Variants in HHAT observed in about 807,000 individuals in gnomAD.
HHAT encodes the protein protein-cysteine N-palmitoyltransferase HHAT.
Under a neutral mutation model 70.8 loss-of-function variants are expected in HHAT, and 47 were observed. That is an observed-to-expected ratio of 0.66 (90% CI 0.53 to 0.85). The LOEUF (loss-of-function observed/expected upper bound fraction) is 0.85. Among genes scored for constraint, HHAT ranks in the 40% least tolerant of loss-of-function variants. The pLI is 0.00. For synonymous variants in HHAT, 228 were observed against 247.6 expected (o/e 0.92, Z 0.74); for missense variants, 609 against 604.8 (o/e 1.01, Z -0.07).
intron 8 of HHAT, among the ~76,000 whole-genome samples, chr1:210,505,141 C>T (rs912737172): frequency 2.0e-5 from 3 of 152,104 alleles, no homozygotes; most frequent in East Asian, 1.9e-4. Flanking sequence ...TCAGGTGATA[C>T]ACCCGCCTCG....
chr1:210,499,846 A>G (rs2094720530), intron 8 of HHAT, among the ~76,000 whole-genome samples: 1 of 152,202 alleles, frequency 6.6e-6, no homozygotes, highest in Non-Finnish European at 1.5e-5. Flanking sequence ...AGTAGGGAAT[A>G]AATAATCAAA....
At chr1:210,336,813 C>T (rs997958304) in intron 1 of HHAT, among the ~76,000 whole-genome samples, 1 of 151,972 alleles carries the variant, frequency 6.6e-6, no homozygotes, top group African/African-American at 2.4e-5. Flanking sequence ...AAAAAGGAAG[C>T]CTTAAGGTTT....
In HHAT at chr1:210,399,089, A is replaced by C. The variant is rs568595923; in HGVS notation, c.274-1379A>C. On this transcript the variant is annotated intron_variant, in intron 4 of 11. Transcript: ENST00000261458. Reference sequence around the variant, plus strand: ...CCCTGAAAAAAGTCTTTGTTTCCACAAGACGACCTAAGTTCAGGCACTTAT... The same window carrying C: ...CCCTGAAAAAAGTCTTTGTTTCCACCAGACGACCTAAGTTCAGGCACTTAT... Among the ~76,000 whole-genome samples the C allele has an allele frequency of 7.2e-5, 11 of 152,348 alleles. No individual in the cohort carries two copies. In the South Asian group the frequency reaches 1.9e-3, roughly 26 times the overall value.
At chr1:210,479,118 C>G (rs958378616) in intron 8 of HHAT, among the ~76,000 whole-genome samples, 8 of 152,136 alleles carry the variant, frequency 5.3e-5, no homozygotes, top group African/African-American at 1.9e-4. Flanking sequence ...TGTCCCCTAT[C>G]GTTTGACCTT....
intron 9 of HHAT, among the ~76,000 whole-genome samples, chr1:210,569,107 C>T (rs1394495976): frequency 6.6e-6 from 1 of 152,118 alleles, no homozygotes; most frequent in East Asian, 1.9e-4. Context: ...GGCACAATGG[C>T]TCATGCCTGT....
intron 1 of HHAT, among the ~76,000 whole-genome samples, chr1:210,331,484 G>A (rs568499901): frequency 6.6e-6 from 1 of 152,244 alleles, no homozygotes; most frequent in South Asian, 2.1e-4. Context: ...TCTAGGGCCC[G>A]GTCATTTGCT....
intron 1 of HHAT, among the ~76,000 whole-genome samples, chr1:210,332,520 C>T (rs1461656780): frequency 1.3e-5 from 2 of 152,202 alleles, no homozygotes; most frequent in Non-Finnish European, 2.9e-5. Context: ...TACTCTTCAC[C>T]AATAGTAAAG....
intron 7 of HHAT, among the ~76,000 whole-genome samples, chr1:210,454,514 A>G (rs2093822153): frequency 6.6e-6 from 1 of 152,162 alleles, no homozygotes; most frequent in Non-Finnish European, 1.5e-5. Context: ...AGATCGTGCC[A>G]CTGCACTCCA....
At chr1:210,628,219 G>T (rs4282879) in intron 11 of HHAT, among the ~76,000 whole-genome samples, 36,012 of 152,010 alleles carry the variant, frequency 0.24, 5,075 homozygotes, top group East Asian at 0.36. Flanking sequence ...AATATATCTG[G>T]CCTTGAGAGG....
At chr1:210,425,110 C>CT (rs1319216858) in intron 7 of HHAT, among the ~76,000 whole-genome samples, 1 of 152,046 alleles carries the variant, frequency 6.6e-6, no homozygotes, top group Non-Finnish European at 1.5e-5. Context: ...TGATGCTGAG[C>CT]TTTTTTTTCC....
At chr1:210,559,274 C>A (rs540675511) in intron 9 of HHAT, among the ~76,000 whole-genome samples, 2 of 152,310 alleles carry the variant, frequency 1.3e-5, no homozygotes, top group East Asian at 3.9e-4. Context: ...TAGAATATTT[C>A]ATGAGGGCAG....
chr1:210,566,723 C>T (rs561115577), intron 9 of HHAT, among the ~76,000 whole-genome samples: 85 of 152,236 alleles, frequency 5.6e-4, no homozygotes, highest in African/African-American at 1.8e-3. Context: ...ATTCCCCTTC[C>T]AGCTCCCTAT....
chr1:210,549,631 T>G (rs965913126), intron 9 of HHAT, among the ~76,000 whole-genome samples: 6 of 148,822 alleles, frequency 4.0e-5, no homozygotes, highest in African/African-American at 1.5e-4. Flanking sequence ...CAATTTAGAC[T>G]TCATTTTTTC....
At chr1:210,636,438 C>T (rs1008945228) in intron 11 of HHAT, among the ~76,000 whole-genome samples, 1 of 152,268 alleles carries the variant, frequency 6.6e-6, no homozygotes, top group Non-Finnish European at 1.5e-5. Context: ...TTTTGTCAGG[C>T]TCTGGGATTT....
intron 11 of HHAT, among the ~76,000 whole-genome samples, chr1:210,670,433 C>T (rs911085068): frequency 4.6e-5 from 7 of 152,136 alleles, no homozygotes; most frequent in East Asian, 1.9e-4. Context: ...TGGTGTTGAC[C>T]GGTCCCCTTG....
chr1:210,370,608 C>CT lies in HHAT; in HGVS notation c.159+7690dup, dbSNP rs1196009836. ...TGTTTATCCATTCACATTGCAGATGCTATTTTTTTTTTTTTTTTTTTTTGG... is the reference window on the plus strand; with the variant it reads ...TGTTTATCCATTCACATTGCAGATGCTTATTTTTTTTTTTTTTTTTTTTTGG... On this transcript the variant is annotated intron_variant, in intron 3 of 11. Transcript: ENST00000261458. Among the ~76,000 whole-genome samples, 433 of 102,544 alleles carry CT rather than the reference C, an allele frequency of 4.2e-3. 1 individual carries two copies. The highest frequency in any genetic ancestry group is 0.018 in the African/African-American group (411 of 23,206). 67.3% of individuals were successfully genotyped at this position (102,544 alleles called of 152,430 possible).
chr1:210,656,221 A>C (rs1676384460), intron 11 of HHAT, among the ~76,000 whole-genome samples: 2 of 151,094 alleles, frequency 1.3e-5, no homozygotes, highest in Non-Finnish European at 1.5e-5. Flanking sequence ...ACTTTTATTT[A>C]TCTTCATGTC....
At chr1:210,370,198 C>T (rs1432444422) in intron 3 of HHAT, among the ~76,000 whole-genome samples, 1 of 132,452 alleles carries the variant, frequency 7.5e-6, no homozygotes, top group Non-Finnish European at 1.5e-5. Context: ...TTCCTGAATG[C>T]AGAGTCTCAC....
At chr1:210,564,904 T>C (rs973592268) in intron 9 of HHAT, among the ~76,000 whole-genome samples, 1 of 152,100 alleles carries the variant, frequency 6.6e-6, no homozygotes, top group Non-Finnish European at 1.5e-5. Context: ...AGACTGCTCT[T>C]TCAAGGACCT....
Sources: gnomAD v4.1 joint callset for allele counts (sites outside exome capture counted in the v4.1 genomes callset) on GRCh38, gnomAD v4.1.1 for gene constraint, MANE v1.5 for transcripts, NCBI Gene and HGNC (gene_info 2026-07-23, HGNC 2026-07-21) for gene names.